Variants in RBFOX3 observed in about 807,000 individuals in gnomAD.
RBFOX3 encodes RNA binding fox-1 homolog 3.
RBFOX3 carries 17 observed loss-of-function variants against 48.7 expected under a neutral mutation model. The observed-to-expected ratio is 0.35, with a 90% CI of 0.24 to 0.52. The LOEUF is 0.52. RBFOX3 is among the 20% of genes least tolerant of loss of function. The probability of loss-of-function intolerance (pLI) is 0.94; values close to 1 mark genes in which losing one functional copy is unlikely to be tolerated. For missense variants in RBFOX3, 382 were observed against 497.5 expected, an observed-to-expected ratio of 0.77 and a Z score of 2.21; for synonymous variants, 212 against 209.5, an observed-to-expected ratio of 1.01 and a Z score of -0.10.
chr17:79,604,688 G>A (rs1405319506), intron 1 of RBFOX3, among the ~76,000 whole-genome samples: 1 of 152,220 alleles, frequency 6.6e-6, no homozygotes, highest in Non-Finnish European at 1.5e-5. Flanking sequence ...AGTTTAGTGA[G>A]AAATGATTTC....
At position 79,170,454 on chromosome 17, in the gene RBFOX3, G is replaced by A. The variant is rs2049035094; in HGVS notation, c.-33-54706C>T. Among the ~76,000 whole-genome samples, 3 of 152,116 alleles carry A rather than the reference G, an allele frequency of 2.0e-5. No individual in the cohort carries two copies. In the South Asian group the frequency reaches 6.2e-4, roughly 31 times the overall value. On this transcript the variant is annotated intron_variant, in intron 4 of 14. Transcript: ENST00000693108. ...GGGAAGGTGTTTTCTCCATCAGGGAGCCACGGCCTGGGGGCTCTTGAGGGC... is the reference window on the plus strand; with the variant it reads ...GGGAAGGTGTTTTCTCCATCAGGGAACCACGGCCTGGGGGCTCTTGAGGGC...
intron 6 of RBFOX3, among the ~76,000 whole-genome samples, chr17:79,104,926 T>TGACCTGAACCCAGGCCCTGCCC (rs2077093406): frequency 1.2e-3 from 3 of 2,452 alleles, no homozygotes; most frequent in Non-Finnish European, 2.9e-3. Context: ...GCTGAGCAAC[T>TGACCTGAACCCAGGCCCTGCCC]GTTCAGGTCG....
At chr17:79,453,626 G>A (rs782274168) in intron 2 of RBFOX3, among the ~76,000 whole-genome samples, 9 of 152,280 alleles carry the variant, frequency 5.9e-5, no homozygotes, top group African/African-American at 1.2e-4. Flanking sequence ...GAGTGGGTGC[G>A]GAGATGTGTG....
At chr17:79,114,270 C>T (rs2033132628) in intron 5 of RBFOX3, among the ~76,000 whole-genome samples, 1 of 152,204 alleles carries the variant, frequency 6.6e-6, no homozygotes, top group Non-Finnish European at 1.5e-5. Flanking sequence ...TTGGCCCCTG[C>T]TTCTACCACC....
At chr17:79,351,880 C>T (rs1401532190) in intron 2 of RBFOX3, among the ~76,000 whole-genome samples, 3 of 152,094 alleles carry the variant, frequency 2.0e-5, no homozygotes, top group African/African-American at 4.8e-5. Context: ...GGAGTCCTAC[C>T]CTCACCCTTG....
rs1365348477 is a variant in RBFOX3, at chr17:79,501,494, G to A, written c.-319-18896C>T. The stretch of plus-strand genomic sequence containing the variant: ...TGGGGGAGGCCACTTTTGTTCCCGA[G>A]TCCCACCCTCTGCCTCCTCCTTGTC... On this transcript the variant is annotated intron_variant, in intron 1 of 14. Transcript: ENST00000693108. Among the ~76,000 whole-genome samples the A allele has an allele frequency of 9.2e-5, 14 of 152,280 alleles. 1 individual carries two copies. In the East Asian group the frequency reaches 2.1e-3, roughly 23 times the overall value.
chr17:79,176,111 AG>A (rs1359299604), intron 4 of RBFOX3, among the ~76,000 whole-genome samples: 5 of 152,146 alleles, frequency 3.3e-5, no homozygotes, highest in African/African-American at 1.2e-4. Flanking sequence ...CAGCTCCAGG[AG>A]GAATTTGCGG....
intron 2 of RBFOX3, among the ~76,000 whole-genome samples, chr17:79,420,978 G>T (rs952284032): frequency 6.6e-6 from 1 of 152,154 alleles, no homozygotes; most frequent in Non-Finnish European, 1.5e-5. Context: ...TGAAGACTCG[G>T]GCATGGAGGC....
intron 2 of RBFOX3, among the ~76,000 whole-genome samples, chr17:79,316,394 A>G (rs1049211915): frequency 6.6e-6 from 1 of 152,226 alleles, no homozygotes; most frequent in Non-Finnish European, 1.5e-5. Flanking sequence ...CCAGCTCAGT[A>G]CAGACTCAGG....
intron 3 of RBFOX3, among the ~76,000 whole-genome samples, chr17:79,291,911 C>T (rs9906023): frequency 0.21 from 31,555 of 152,024 alleles, 3,409 homozygotes; most frequent in Middle Eastern, 0.31. Flanking sequence ...AGCTTCACCA[C>T]GGAGCTGAAC....
chr17:79,321,866 C>T (rs545920401), intron 2 of RBFOX3, among the ~76,000 whole-genome samples: 117 of 152,210 alleles, frequency 7.7e-4, no homozygotes, highest in African/African-American at 2.7e-3. Flanking sequence ...CCACTGAATC[C>T]GGCTAATTTT....
intron 4 of RBFOX3, among the ~76,000 whole-genome samples, chr17:79,123,864 G>A (rs931176948): frequency 3.3e-5 from 5 of 152,196 alleles, no homozygotes; most frequent in African/African-American, 1.2e-4. Context: ...CCTGCTCTGT[G>A]TCCACTGCCT....
chr17:79,496,141 G>A (rs1297088174), intron 1 of RBFOX3, among the ~76,000 whole-genome samples: 3 of 152,004 alleles, frequency 2.0e-5, no homozygotes, highest in African/African-American at 4.8e-5. Context: ...TCCCCCTCTC[G>A]GGCTGGAGGC....
intron 4 of RBFOX3, among the ~76,000 whole-genome samples, chr17:79,161,398 C>T (rs148136567): frequency 3.3e-5 from 5 of 152,334 alleles, no homozygotes; most frequent in Admixed American, 1.3e-4. Flanking sequence ...GCACACACCC[C>T]GATCCCATCA....
intron 1 of RBFOX3, among the ~76,000 whole-genome samples, chr17:79,545,454 C>T (rs2090299705): frequency 2.0e-5 from 3 of 152,216 alleles, no homozygotes; most frequent in African/African-American, 4.8e-5. Context: ...ATGCCCTCTG[C>T]CCTTGCCCCT....
At chr17:79,315,206 C>T (rs146169160) in intron 2 of RBFOX3, among the ~76,000 whole-genome samples, 163 of 152,264 alleles carry the variant, frequency 1.1e-3, no homozygotes, top group African/African-American at 3.7e-3. Context: ...GGAGTGATTC[C>T]GGAGGGAGCC....
At position 79,132,296 on chromosome 17, in the gene RBFOX3, C is replaced by T. The variant is rs189764536; in HGVS notation, c.-33-16548G>A. Among the ~76,000 whole-genome samples the T allele has an allele frequency of 7.6e-4, 116 of 152,016 alleles. 1 individual carries two copies. In the East Asian group the frequency reaches 0.019, roughly 25 times the overall value. On this transcript the variant is annotated intron_variant, in intron 4 of 14. Transcript: ENST00000693108. ...GTGGGGTGGGGTGGGGGGCAGAGGG[C>T]GTACGTAGAAGAGCACTGCACTTAG...
chr17:79,292,070 C>T (rs2073373676), intron 3 of RBFOX3, among the ~76,000 whole-genome samples: 1 of 152,120 alleles, frequency 6.6e-6, no homozygotes, highest in Admixed American at 6.5e-5. Context: ...CCCCTCATTC[C>T]AGGGCTTTCT....
At chr17:79,197,023 C>A (rs925584345) in intron 4 of RBFOX3, among the ~76,000 whole-genome samples, 2 of 152,154 alleles carry the variant, frequency 1.3e-5, no homozygotes, top group Admixed American at 6.5e-5. Flanking sequence ...AAGTAGTAGG[C>A]ACTGGGGCTG....
Sources: allele counts gnomAD v4.1 joint callset (sites outside exome capture counted in the v4.1 genomes callset), GRCh38; gene constraint gnomAD v4.1.1; transcripts MANE v1.5; gene names NCBI Gene and HGNC (gene_info 2026-07-23, HGNC 2026-07-21).